The following C1QTNF12 variants were observed in gnomAD, a reference collection of about 807,000 sequenced individuals.
C1QTNF12 encodes adipolin.
In C1QTNF12, 39 loss-of-function variants were observed where a neutral mutation model predicts 34.3. The ratio of observed to expected loss-of-function variants is 1.14; its 90% CI spans 0.88 to 1.49. The LOEUF is 1.49. Ranked by LOEUF, C1QTNF12 falls within the 40% of genes most tolerant of loss-of-function variation. The pLI is 0.00. For synonymous variants in C1QTNF12, 220 were observed against 196.9 expected (o/e 1.12, Z -0.98); for missense variants, 497 against 424.7 (o/e 1.17, Z -1.50).
rs2101011394 is a variant in C1QTNF12 at position 1,246,507 on chromosome 1, C to T, written c.177+7G>A. The T allele has an allele frequency of 2.4e-6, 3 of 1,232,370 alleles. No homozygotes were observed. Among genetic ancestry groups the T allele is most frequent in the South Asian group, 4.0e-5 (1 of 25,276 alleles). The allele number at this position is 1,232,370 out of a possible 1,614,324, so 76.3% of individuals were successfully genotyped here. A position where few individuals can be genotyped will look rare whatever the true frequency, so the allele number is the denominator to read the frequency against. On this transcript the variant is annotated splice_region_variant and intron_variant, in intron 1 of 7. Transcript: ENST00000330388. The surrounding 1 kb of genome is among the most constrained non-coding windows in gnomAD (Gnocchi z 4.5). ...CGCGAGGGCCCACGTGCGTCCCGGC[C>T]GCGTACCTTGGGGGCCTCGGGCAGC...
At chr1:1,242,706 G>A (rs1638770397) in intron 7 of C1QTNF12, 60 bp from the exon 8 acceptor site, 10 of 1,551,728 alleles carry the variant, frequency 6.4e-6, no homozygotes, top group African/African-American at 2.7e-5. Flanking sequence ...GGTGGCCAAC[G>A]TCTGCCCACC....
chr1:1,243,536 G>C lies in C1QTNF12; in HGVS notation c.548C>G (p.Ala183Gly). Reference protein sequence around the residue: ...HGFQAPAAQGAFLRGSGLSLA... With the variant: ...HGFQAPAAQGGFLRGSGLSLA... ...GCTCAGACCGGAGCCTCGCAGGAAG[G>C]CACCTTGGGCAGCAGGCTGTGAGGG... Residue 183 changes from alanine (A) to glycine (G), a missense_variant, in exon 5 of 8, where the codon GCC (alanine) becomes GGC (glycine). Transcript: ENST00000330388. 1 of 1,552,164 alleles carries C rather than the reference G, an allele frequency of 6.4e-7. No homozygotes were observed. Among genetic ancestry groups the C allele is most frequent in the Non-Finnish European group, 8.7e-7 (1 of 1,147,780 alleles).
rs947026373 is a variant in C1QTNF12 at position 1,243,289 on chromosome 1, G to C, written c.641-137C>G. 32 of 980,180 alleles carry C rather than the reference G, an allele frequency of 3.3e-5. No individual in the cohort carries two copies. In the African/African-American group the frequency reaches 4.4e-4, roughly 13 times the overall value. 60.7% of individuals were successfully genotyped at this position (980,180 alleles called of 1,614,324 possible). A position where few individuals can be genotyped will look rare whatever the true frequency, so the allele number is the denominator to read the frequency against. On this transcript the variant is annotated intron_variant, in intron 5 of 7. Coordinates refer to ENST00000330388, the MANE Select transcript of C1QTNF12 (RefSeq NM_001014980.3). Reference sequence around the variant, plus strand: ...GGGGAGGGGGCGCCTGAGGCCAGGCGTGCAGCAGGGACCCCATGCCCAGTC... The same window carrying C: ...GGGGAGGGGGCGCCTGAGGCCAGGCCTGCAGCAGGGACCCCATGCCCAGTC...
chr1:1,244,444 G>A lies in C1QTNF12; in HGVS notation c.231C>T (p.Asn77=), dbSNP rs192794339. 5.0e-6 allele frequency: 8 copies of A among 1,611,962 alleles called. No individual in the cohort carries two copies. The African/African-American group carries it at 9.3e-5, about 19-fold the overall frequency. The change falls in exon 2 of 8, where the codon AAC becomes AAT. Residue 77 remains asparagine, a synonymous_variant. Transcript: ENST00000330388. ...CGCCGTCGTCCGGCCGCCGGACAAA[G>A]TTCAGCCATGTCATGTGGGCGTCGG... ...EFSDAHMTWL[N]FVRRPDDGAL...
At chr1:1,247,123 C>T (rs1638914977), upstream of C1QTNF12, among the ~76,000 whole-genome samples, 1 of 152,176 alleles carries the variant, frequency 6.6e-6, no homozygotes, top group Admixed American at 6.5e-5. Flanking sequence ...CATTGCTTCC[C>T]CAAAGGTCCA....
At chr1:1,247,248 C>G (rs1204901338), upstream of C1QTNF12, among the ~76,000 whole-genome samples, 1 of 152,188 alleles carries the variant, frequency 6.6e-6, no homozygotes, top group Non-Finnish European at 1.5e-5. Context: ...AGGGCAGCTA[C>G]CAGCCAGCCA....
rs1162144158 is a variant in C1QTNF12, at chr1:1,244,277, T to TG, written c.295-3dup. The TG allele has an allele frequency of 8.8e-6, 14 of 1,592,118 alleles. No homozygotes were observed. Among genetic ancestry groups the TG allele is most frequent in the Admixed American group, 1.7e-5 (1 of 57,964 alleles). On this transcript the variant is annotated splice_polypyrimidine_tract_variant and splice_region_variant and intron_variant, in intron 2 of 7. Transcript: ENST00000330388. ...TCCTGGGGGACCGAAGAGATCCCGCTGGGGGGAGAGAGAAGCAGGTGAGGG... is the reference window on the plus strand; with the variant it reads ...TCCTGGGGGACCGAAGAGATCCCGCTGGGGGGGAGAGAGAAGCAGGTGAGGG...
rs1638900045 is a variant in C1QTNF12 at position 1,246,632 on chromosome 1, A to G, written c.59T>C (p.Leu20Pro). ...CTCCCGCCGGGCCCCGACGCCCCCG[A>G]GGAGCACGAGCTGCGGCCCGAGGAG... ...VVLLGPQLVL[L>P]GGVGARREAQ... The change falls in exon 1 of 8, where the codon CTC (leucine) becomes CCC (proline). Residue 20 changes from leucine (L) to proline (P), a missense_variant. Coordinates refer to ENST00000330388, the MANE Select transcript of C1QTNF12 (RefSeq NM_001014980.3). The surrounding 1 kb of genome is among the most constrained non-coding windows in gnomAD (Gnocchi z 4.5). 62 of 1,238,474 alleles carry G rather than the reference A, an allele frequency of 5.0e-5. No homozygotes were observed. The highest frequency in any genetic ancestry group is 6.3e-5 in the Non-Finnish European group (62 of 991,656). The allele number at this position is 1,238,474 out of a possible 1,614,324, so 76.7% of individuals were successfully genotyped here.
rs748519882 is a variant in C1QTNF12, at chr1:1,244,212, C to G, written c.358G>C (p.Glu120Gln). The G allele has an allele frequency of 5.6e-6, 9 of 1,593,750 alleles. No homozygotes were observed. The South Asian group carries it at 7.9e-5, about 14-fold the overall frequency. ...TGACCTTTCAGCAGCTCCTGAAACT[C>G]GTGAAGCAGAGTCTCCGCGGTCACT... Reference protein sequence around the residue: ...AEVTAETLLHEFQELLKEATE... With the variant: ...AEVTAETLLHQFQELLKEATE... Residue 120 changes from glutamate (E) to glutamine (Q), a missense_variant, in exon 3 of 8, where the codon GAG (glutamate) becomes CAG (glutamine). Transcript: ENST00000330388.
Position 1,244,044 on chromosome 1 carries a change from C to T in C1QTNF12, c.441G>A (p.Leu147=). 6.3e-7 allele frequency: 1 copy of T among 1,598,284 alleles called. No individual in the cohort carries two copies. The change falls in exon 4 of 8, where the codon CTG becomes CTA. Residue 147 remains leucine (L), a synonymous_variant. Coordinates refer to ENST00000330388, the MANE Select transcript of C1QTNF12 (RefSeq NM_001014980.3). ...LDPLLPQGAG[L]RLVGEAFHCR... ...AGTGAAAGGCCTCGCCCACCAGCCG[C>T]AGGCCCGCCCCCTGGGGCAGCAGCG...
intron 3 of C1QTNF12, 23 bp downstream of exon 3, chr1:1,244,168 C>A: frequency 6.4e-7 from 1 of 1,565,194 alleles, no homozygotes; most frequent in Non-Finnish European, 8.6e-7. Flanking sequence ...CGTCTGGTCT[C>A]TGGGCAGTGC....
chr1:1,242,947 T>C (rs1638777854), intron 6 of C1QTNF12, 34 bp from the exon 7 acceptor site: 4 of 1,603,658 alleles, frequency 2.5e-6, no homozygotes, highest in East Asian at 4.5e-5. Flanking sequence ...GAGGGAGGCG[T>C]TGCAGGTCCA....
Position 1,243,523 on chromosome 1 carries a change from G to A in C1QTNF12, c.561C>T (p.Gly187=). ...GACCCGAGGCCAGGCTCAGACCGGA[G>A]CCTCGCAGGAAGGCACCTTGGGCAG... is the stretch of plus-strand genomic sequence containing the variant. The part of the protein sequence containing the change: ...APAAQGAFLR[G]SGLSLASGRF... Residue 187 remains glycine, a synonymous_variant, in exon 5 of 8, where the codon GGC becomes GGT. Coordinates refer to ENST00000330388, the MANE Select transcript of C1QTNF12 (RefSeq NM_001014980.3). 6.4e-7 allele frequency: 1 copy of A among 1,554,950 alleles called. No individual in the cohort carries two copies. The highest frequency in any genetic ancestry group is 1.4e-5 in the African/African-American group (1 of 73,318).
At chr1:1,242,961 G>A (rs757308731) in intron 6 of C1QTNF12, 48 bp from the exon 7 acceptor site, 19 of 1,587,814 alleles carry the variant, frequency 1.2e-5, no homozygotes, top group Admixed American at 1.7e-5. Flanking sequence ...AGGTCCAGGG[G>A]GCCAAGACCT....
chr1:1,244,248 G>C lies in C1QTNF12; in HGVS notation c.322C>G (p.Pro108Ala). 6.3e-7 allele frequency: 1 copy of C among 1,596,610 alleles called. No individual in the cohort carries two copies. The highest frequency in any genetic ancestry group is 8.5e-7 in the Non-Finnish European group (1 of 1,171,478). ...GTCTCCGCGGTCACTTCTGCACCTG[G>C]AGGTCCTGGGGGACCGAAGAGATCC... The part of the protein sequence containing the change: ...PRDLFGPPGP[P>A]GAEVTAETLL... The change falls in exon 3 of 8, where the codon CCA becomes GCA. Residue 108 changes from proline to alanine, a missense_variant. Pro to Ala is a conservative substitution (Grantham distance 27, BLOSUM62 -1). Transcript: ENST00000330388.
chr1:1,245,747 C>T (rs945584958), intron 1 of C1QTNF12, among the ~76,000 whole-genome samples: 9 of 152,206 alleles, frequency 5.9e-5, no homozygotes, highest in Admixed American at 4.6e-4. Flanking sequence ...CCAGCGGGGC[C>T]GCGTGGGCTG....
rs981825710 is a variant in C1QTNF12 at position 1,246,184 on chromosome 1, G to A, written c.177+330C>T. ...CCACCCCACCCCCGCCCCCAAATCA[G>A]CAATTAACCTAATAGCAACAGGTTC... On this transcript the variant is annotated intron_variant, in intron 1 of 7. Coordinates refer to ENST00000330388, the MANE Select transcript of C1QTNF12 (RefSeq NM_001014980.3). This position sits in a 1 kb window ranked among gnomAD's most constrained non-coding sequence, Gnocchi z 4.5. Among the ~76,000 whole-genome samples the A allele has an allele frequency of 9.1e-6, 1 of 110,370 alleles. No homozygotes were observed. The highest frequency in any genetic ancestry group is 3.5e-5 in the African/African-American group (1 of 28,306). The allele number at this position is 110,370 out of a possible 152,430, so 72.4% of individuals were successfully genotyped here.
rs1039203478 is a variant in C1QTNF12, at chr1:1,242,547, C to T, written c.*1G>A. 1 of 1,559,776 alleles carries T rather than the reference C, an allele frequency of 6.4e-7. No individual in the cohort carries two copies. The highest frequency in any genetic ancestry group is 1.9e-5 in the Admixed American group (1 of 52,232). ...CTCCTCGCCAGCCCCCCTGGGCGCC[C>T]TCACGTGCCCAGGAGCAGCCCGGAG... is the stretch of plus-strand genomic sequence containing the variant. On this transcript the variant is annotated 3_prime_UTR_variant, in exon 8 of 8. Transcript: ENST00000330388.
intron 7 of C1QTNF12, 45 bp from the exon 8 acceptor site, chr1:1,242,691 C>G: frequency 6.4e-7 from 1 of 1,565,810 alleles, no homozygotes; most frequent in Non-Finnish European, 8.7e-7. Flanking sequence ...ACAGCCCAGC[C>G]ACTCGGTGGC....
Sources: allele counts gnomAD v4.1 joint callset (sites outside exome capture counted in the v4.1 genomes callset), GRCh38; gene constraint gnomAD v4.1.1; non-coding constraint Gnocchi (gnomAD v3.1); transcripts MANE v1.5; gene names NCBI Gene and HGNC (gene_info 2026-07-23, HGNC 2026-07-21).